DMD: variants seen among roughly 807,000 people sequenced by gnomAD.
DMD encodes the protein mutant dystrophin.
A neutral mutation model predicts 330.1 loss-of-function variants in DMD; 63 were observed. The observed-to-expected ratio is 0.19, with a 90% CI of 0.16 to 0.24. DMD has a LOEUF of 0.24. Ranked by LOEUF, DMD falls within the 10% of genes least tolerant of loss-of-function variation. The probability of loss-of-function intolerance (pLI) is 1.00; values close to 1 mark genes in which losing one functional copy is unlikely to be tolerated. For missense variants in DMD, 3,344 were observed against 2,684.1 expected, an observed-to-expected ratio of 1.25 and a Z score of -5.43; for synonymous variants, 1,223 against 959.8, an observed-to-expected ratio of 1.27 and a Z score of -5.07.
At chrX:32,604,705 G>T (rs1461787217) in intron 12 of DMD, among the ~76,000 whole-genome samples, 2 of 109,555 alleles carry the variant, frequency 1.8e-5, no homozygotes, top group African/African-American at 6.6e-5. Flanking sequence ...CTTCAGTAAA[G>T]TTTCAGGATA....
intron 2 of DMD, among the ~76,000 whole-genome samples, chrX:32,885,047 G>A (rs1262542762): frequency 9.0e-6 from 1 of 111,688 alleles, no homozygotes; most frequent in Non-Finnish European, 1.9e-5. Context: ...CAGATTTGTA[G>A]GGATCCTAGC....
At chrX:31,640,363 CACTA>C (rs1233659055) in intron 54 of DMD, among the ~76,000 whole-genome samples, 7 of 112,345 alleles carry the variant, frequency 6.2e-5, no homozygotes, top group Non-Finnish European at 1.3e-4. Flanking sequence ...TTAACTTTTA[CACTA>C]ACTATTTTAA....
At chrX:32,745,887 T>TG (rs1405004334) in intron 7 of DMD, among the ~76,000 whole-genome samples, 16 of 112,143 alleles carry the variant, frequency 1.4e-4, no homozygotes, top group Non-Finnish European at 2.3e-4. Flanking sequence ...TTCTGTATTT[T>TG]CCTTAATAAA....
chrX:31,251,577 C>T (rs1460319133), intron 63 of DMD, among the ~76,000 whole-genome samples: 2 of 111,843 alleles, frequency 1.8e-5, no homozygotes, highest in African/African-American at 3.2e-5. Flanking sequence ...ATAAGAGAGA[C>T]TTTCAGAATA....
intron 55 of DMD, among the ~76,000 whole-genome samples, chrX:31,581,552 T>A (rs1383788676): frequency 8.9e-6 from 1 of 111,801 alleles, no homozygotes; most frequent in African/African-American, 3.2e-5. Context: ...ATGGTCTATA[T>A]CTAATCAGGT....
intron 26 of DMD, among the ~76,000 whole-genome samples, chrX:32,450,557 A>G (rs182496814): frequency 5.5e-4 from 61 of 110,656 alleles, no homozygotes; most frequent in African/African-American, 1.8e-3. Context: ...CAGCCATGTC[A>G]TAAGTGCTAC....
At chrX:32,884,774 C>CA (rs1488272261) in intron 2 of DMD, among the ~76,000 whole-genome samples, 1 of 111,940 alleles carries the variant, frequency 8.9e-6, no homozygotes, top group East Asian at 2.8e-4. Context: ...TTAAGGGACT[C>CA]ATCACCTTAC....
At chrX:32,255,591 C>T (rs1296923564) in intron 43 of DMD, among the ~76,000 whole-genome samples, 1 of 111,919 alleles carries the variant, frequency 8.9e-6, no homozygotes, top group Non-Finnish European at 1.9e-5. Flanking sequence ...TCACATGAAA[C>T]ATATGTCTTC....
chrX:32,127,940 C>T (rs1433509631), intron 44 of DMD, among the ~76,000 whole-genome samples: 4 of 111,983 alleles, frequency 3.6e-5, no homozygotes, highest in Non-Finnish European at 5.7e-5. Flanking sequence ...TTTGCAATTG[C>T]ATTGCTCAAG....
chrX:31,214,807 C>T lies in DMD; in HGVS notation c.9362-5108G>A, dbSNP rs1392995885. Among the ~76,000 whole-genome samples, 4 of 110,231 alleles carry T rather than the reference C, an allele frequency of 3.6e-5. No homozygotes were observed. The East Asian group carries it at 8.5e-4, about 23-fold the overall frequency. ...AAGTTGAAACTTCACAAGTTGGGGA[C>T]TGTCTGCATTGTGTGGTGTGTGTGT... On this transcript the variant is annotated intron_variant, in intron 64 of 78. Coordinates refer to ENST00000357033, the MANE Select transcript of DMD (RefSeq NM_004006.3).
chrX:32,640,444 C>T (rs1323163411), intron 11 of DMD, among the ~76,000 whole-genome samples: 1 of 109,826 alleles, frequency 9.1e-6, no homozygotes, highest in Non-Finnish European at 1.9e-5. Flanking sequence ...TTATGTAAGG[C>T]AGAAATCAGG....
At chrX:31,152,864 T>G (rs145110147) in intron 74 of DMD, among the ~76,000 whole-genome samples, 1,356 of 105,596 alleles carry the variant, frequency 0.013, 16 homozygotes, top group African/African-American at 0.043. Flanking sequence ...ATGTTTAACT[T>G]GGGTGGGGGG....
intron 42 of DMD, among the ~76,000 whole-genome samples, chrX:32,302,847 C>G (rs769781638): frequency 9.0e-6 from 1 of 111,041 alleles, no homozygotes; most frequent in Admixed American, 9.6e-5. Flanking sequence ...GTTATTATCA[C>G]TGATTTAATT....
intron 74 of DMD, among the ~76,000 whole-genome samples, chrX:31,156,474 T>C (rs372934850): frequency 1.8e-5 from 2 of 112,015 alleles, no homozygotes; most frequent in African/African-American, 6.5e-5. Flanking sequence ...CATCCATGGC[T>C]GAGGAGAGAA....
intron 2 of DMD, among the ~76,000 whole-genome samples, chrX:32,886,653 A>T (rs1315031285): frequency 1.8e-5 from 2 of 111,143 alleles, no homozygotes; most frequent in African/African-American, 6.6e-5. Context: ...ACTGCACTCC[A>T]GCCTGGGCGA....
At chrX:31,741,090 A>G (rs1223248786) in intron 51 of DMD, among the ~76,000 whole-genome samples, 3 of 111,888 alleles carry the variant, frequency 2.7e-5, no homozygotes, top group African/African-American at 9.7e-5. Flanking sequence ...CTGAAGTTTT[A>G]CCTTGAGATT....
At chrX:31,569,652 A>ATATACACG (rs1556698908) in intron 55 of DMD, among the ~76,000 whole-genome samples, 34 of 93,169 alleles carry the variant, frequency 3.6e-4, no homozygotes, top group African/African-American at 1.2e-3. Flanking sequence ...GTATATACGT[A>ATATACACG]TATATACGTA....
chrX:32,698,983 C>T lies in DMD; in HGVS notation c.831+129G>A. On this transcript the variant is annotated intron_variant, in intron 8 of 78. Transcript: ENST00000357033. ...TAGTCTGTCTCTTTTTGTACATATA[C>T]ATACATTAGGCTTTGTATATATACA... 5 of 578,332 alleles carry T rather than the reference C, an allele frequency of 8.6e-6. No homozygotes were observed. In the South Asian group the frequency reaches 1.2e-4, roughly 13 times the overall value. The allele number at this position is 578,332 out of a possible 1,213,427, so 47.7% of individuals were successfully genotyped here. A position where few individuals can be genotyped will look rare whatever the true frequency, so the allele number is the denominator to read the frequency against.
chrX:33,105,053 T>C (rs1456678705), intron 1 of DMD, among the ~76,000 whole-genome samples: 5 of 112,276 alleles, frequency 4.5e-5, no homozygotes, highest in Non-Finnish European at 9.4e-5. Flanking sequence ...ATAGTTCCAA[T>C]TGCAACATTT....
Sources: allele counts gnomAD v4.1 joint callset (sites outside exome capture counted in the v4.1 genomes callset), GRCh38; gene constraint gnomAD v4.1.1; transcripts MANE v1.5; gene names NCBI Gene and HGNC (gene_info 2026-07-23, HGNC 2026-07-21).